AIM2: variants seen among roughly 807,000 people sequenced by gnomAD.
AIM2 encodes interferon-inducible protein AIM2.
A neutral mutation model predicts 27.7 loss-of-function variants in AIM2; 30 were observed. That is an observed-to-expected ratio of 1.08 (90% CI 0.81 to 1.47). The LOEUF is 1.47. AIM2 is among the 40% of genes most tolerant of loss of function. The pLI is 0.00. For synonymous variants in AIM2, 141 were observed against 145.3 expected, an observed-to-expected ratio of 0.97 and a Z score of 0.21; for missense variants, 358 against 411.3, an observed-to-expected ratio of 0.87 and a Z score of 1.12.
intron 1 of AIM2, among the ~76,000 whole-genome samples, chr1:159,137,693 T>C (rs1449723637): frequency 6.6e-6 from 1 of 152,194 alleles, no homozygotes; most frequent in Non-Finnish European, 1.5e-5. Flanking sequence ...TGTGTTGGTA[T>C]CTGAGCTTAG....
In AIM2 at chr1:159,103,807, G is replaced by C. The variant is rs78567848; in HGVS notation, c.-16+36624C>G. ...GCAGTAGCAAATGAAATTCTAGGGG[G>C]AGTTTTCTCCTTTCTCTTTCTGACA... On this transcript the variant is annotated intron_variant, in intron 1 of 2. Coordinates refer to the AIM2 transcript ENST00000368129. 6.8e-4 allele frequency among the ~76,000 whole-genome samples: 103 copies of C among 152,178 alleles called. 1 individual carries two copies. Among genetic ancestry groups the C allele is most frequent in the African/African-American group, 2.3e-3 (94 of 41,518 alleles).
chr1:159,069,612 G>C (rs543947834), intron 2 of AIM2, among the ~76,000 whole-genome samples: 8 of 150,540 alleles, frequency 5.3e-5, no homozygotes, highest in African/African-American at 2.0e-4. Context: ...GCGCAATCTT[G>C]GCTCACTGCA....
intron 1 of AIM2, among the ~76,000 whole-genome samples, chr1:159,102,638 G>C (rs1378757513): frequency 6.6e-6 from 1 of 152,250 alleles, no homozygotes; most frequent in Non-Finnish European, 1.5e-5. Flanking sequence ...TTGCATCAGT[G>C]TGCCCTGGAT....
the AIM2 span, among the ~76,000 whole-genome samples, chr1:159,056,205 T>G: frequency 3.7e-4 from 57 of 152,296 alleles, no homozygotes; most frequent in African/African-American, 1.3e-3. Flanking sequence ...CCAGACTCCC[T>G]GCTTGTGGGC....
In AIM2 at chr1:159,130,869, G is replaced by A. The variant is rs138662488; in HGVS notation, c.-16+9562C>T. Reference sequence around the variant, plus strand: ...GCACGCACTCTTCAAATCTGTCATTGGCTGGTATTTTCTCTTAGGATAAAA... The same window carrying A: ...GCACGCACTCTTCAAATCTGTCATTAGCTGGTATTTTCTCTTAGGATAAAA... On this transcript the variant is annotated intron_variant, in intron 1 of 2. Transcript: ENST00000368129. Among the ~76,000 whole-genome samples, 257 of 150,644 alleles carry A rather than the reference G, an allele frequency of 1.7e-3. 1 individual carries two copies. The highest frequency in any genetic ancestry group is 5.2e-3 in the African/African-American group (213 of 40,968).
chr1:159,056,728 A>AAAC, the AIM2 span, among the ~76,000 whole-genome samples: 1 of 134,236 alleles, frequency 7.4e-6, no homozygotes, highest in East Asian at 2.0e-4. Context: ...AAAAAAAAAA[A>AAAC]AAAAAAAAAA....
At chr1:159,144,997 T>C (rs571936431), upstream of AIM2, among the ~76,000 whole-genome samples, 1 of 152,330 alleles carries the variant, frequency 6.6e-6, no homozygotes, top group African/African-American at 2.4e-5. Flanking sequence ...GTAAACCTTA[T>C]TAATCCACAT....
intron 1 of AIM2, among the ~76,000 whole-genome samples, chr1:159,091,391 G>T (rs1264438987): frequency 6.6e-6 from 1 of 152,114 alleles, no homozygotes; most frequent in Non-Finnish European, 1.5e-5. Context: ...GACGTGCTTT[G>T]GCAGGTTCTG....
intron 1 of AIM2, among the ~76,000 whole-genome samples, chr1:159,107,977 A>T (rs1657488299): frequency 6.6e-6 from 1 of 152,202 alleles, no homozygotes; most frequent in African/African-American, 2.4e-5. Flanking sequence ...CAGACATTCA[A>T]AGAAAATTTG....
intron 1 of AIM2, among the ~76,000 whole-genome samples, chr1:159,123,066 T>A (rs565842050): frequency 2.0e-4 from 30 of 152,164 alleles, no homozygotes; most frequent in South Asian, 6.2e-4. Context: ...TGGAAACCCC[T>A]CAAGTCACTG....
intron 1 of AIM2, among the ~76,000 whole-genome samples, chr1:159,095,462 C>T (rs188036972): frequency 6.6e-6 from 1 of 152,304 alleles, no homozygotes; most frequent in South Asian, 2.1e-4. Context: ...AGCATTGAGA[C>T]CTTGTATCTG....
chr1:159,068,852 G>C (rs1656232664), intron 2 of AIM2, 151 bp from the exon 3 acceptor site: 1 of 895,866 alleles, frequency 1.1e-6, no homozygotes. Context: ...ATTTTAAAAT[G>C]AAAGAAACTG....
intron 1 of AIM2, among the ~76,000 whole-genome samples, chr1:159,107,071 G>A (rs558845557): frequency 3.1e-4 from 47 of 152,132 alleles, no homozygotes; most frequent in Non-Finnish European, 5.6e-4. Context: ...CTCTAAACTG[G>A]TCTATGGTAA....
chr1:159,063,447 C>A, intron 5 of AIM2, 39 bp downstream of exon 5: 3 of 1,559,050 alleles, frequency 1.9e-6, no homozygotes, highest in Non-Finnish European at 2.6e-6. Context: ...AAAAATATCA[C>A]CCCCTTGGAG....
intron 1 of AIM2, among the ~76,000 whole-genome samples, chr1:159,103,023 C>CCCACCCAA (rs995204628): frequency 5.6e-4 from 85 of 152,110 alleles, no homozygotes; most frequent in African/African-American, 2.0e-3. Flanking sequence ...CCTCTGGGTC[C>CCCACCCAA]CCACCCAAAT....
intron 4 of AIM2, among the ~76,000 whole-genome samples, chr1:159,064,916 T>C (rs1333880403): frequency 6.6e-6 from 1 of 152,188 alleles, no homozygotes; most frequent in Non-Finnish European, 1.5e-5. Context: ...ATTTAGGAGA[T>C]TGATCGTATT....
chr1:159,068,507 A>G, intron 3 of AIM2, 61 bp downstream of exon 3: 1 of 1,528,756 alleles, frequency 6.5e-7, no homozygotes, highest in Non-Finnish European at 8.8e-7. Context: ...ACAATATGGG[A>G]AGTGACAGTG....
intron 1 of AIM2, among the ~76,000 whole-genome samples, chr1:159,111,837 T>A (rs1178071881): frequency 7.2e-5 from 5 of 69,436 alleles, no homozygotes; most frequent in Admixed American, 2.7e-4. Context: ...CTATCATCTA[T>A]CTATCTATCT....
chr1:159,057,701 A>G (rs1398071780), downstream of AIM2, among the ~76,000 whole-genome samples: 1 of 152,198 alleles, frequency 6.6e-6, no homozygotes, highest in African/African-American at 2.4e-5. Flanking sequence ...ACAACTAGTG[A>G]GTTTAGAATT....
Sources: allele counts gnomAD v4.1 joint callset (sites outside exome capture counted in the v4.1 genomes callset), GRCh38; gene constraint gnomAD v4.1.1; transcripts MANE v1.5; gene names NCBI Gene and HGNC (gene_info 2026-07-23, HGNC 2026-07-21).